Variants in DNAH8 observed in about 807,000 individuals in gnomAD.
DNAH8 encodes the protein dynein axonemal heavy chain 8, also known as axonemal beta dynein heavy chain 8.
DNAH8 carries 382 observed loss-of-function variants against 562.1 expected under a neutral mutation model. The observed-to-expected ratio is 0.68, with a 90% CI of 0.63 to 0.74. The LOEUF (loss-of-function observed/expected upper bound fraction) is 0.74. DNAH8 is among the 30% of genes least tolerant of loss of function. The pLI is 0.00. For missense variants in DNAH8, 5,203 were observed against 5,620.4 expected (o/e 0.93, Z 2.37); for synonymous variants, 1,881 against 1,919.4 (o/e 0.98, Z 0.52).
intron 21 of DNAH8, among the ~76,000 whole-genome samples, chr6:38,800,902 T>A (rs1350840428): frequency 6.6e-6 from 1 of 152,212 alleles, no homozygotes; most frequent in African/African-American, 2.4e-5. Flanking sequence ...ATTGGATATT[T>A]GTCTTTTTAT....
rs62396401 is a variant in DNAH8, at chr6:38,832,028, A to G, written c.4189-294A>G. On this transcript the variant is annotated intron_variant, in intron 30 of 92. Coordinates refer to ENST00000327475, the MANE Select transcript of DNAH8 (RefSeq NM_001206927.2). Reference sequence around the variant, plus strand: ...GTCTTGGCCTAGCCCCACAGACAACATGTGACCCAGACCATGCCAATAATA... The same window carrying G: ...GTCTTGGCCTAGCCCCACAGACAACGTGTGACCCAGACCATGCCAATAATA... 6.2e-3 allele frequency among the ~76,000 whole-genome samples: 944 copies of G among 152,302 alleles called. 4 individuals carry two copies. The highest frequency in any genetic ancestry group is 0.01 in the Non-Finnish European group (691 of 68,024).
At chr6:38,741,683 T>C (rs1357931145) in intron 7 of DNAH8, 28 bp from the exon 8 acceptor site, 7 of 1,551,682 alleles carry the variant, frequency 4.5e-6, no homozygotes, top group African/African-American at 1.4e-5. Context: ...GTAACATTTC[T>C]ATATTTTATA....
At chr6:38,842,635 A>G (rs1403529197) in intron 34 of DNAH8, 28 bp from the exon 35 acceptor site, 2 of 1,603,246 alleles carry the variant, frequency 1.2e-6, no homozygotes, top group African/African-American at 1.3e-5. Context: ...TGAAGGTGGC[A>G]TATTTTTTTT....
chr6:38,852,848 A>T (rs752473603), intron 40 of DNAH8, 50 bp downstream of exon 40: 1 of 1,397,672 alleles, frequency 7.2e-7, no homozygotes, highest in East Asian at 2.3e-5. Context: ...TTAAAAACTT[A>T]GGTTGAGGAG....
chr6:38,852,032 ATG>A (rs1775791208), intron 39 of DNAH8, among the ~76,000 whole-genome samples: 1 of 152,222 alleles, frequency 6.6e-6, no homozygotes, highest in Non-Finnish European at 1.5e-5. Flanking sequence ...AGCACACAGT[ATG>A]TGTTTATTAA....
At chr6:38,764,441 C>G (rs1247552959) in intron 11 of DNAH8, 1 of 152,218 alleles carries the variant, frequency 6.6e-6, no homozygotes, top group East Asian at 1.9e-4. Context: ...GAAAATTGAG[C>G]CTCTAAAAAC....
At chr6:38,851,366 G>C (rs528688574) in intron 38 of DNAH8, among the ~76,000 whole-genome samples, 1 of 152,312 alleles carries the variant, frequency 6.6e-6, no homozygotes, top group African/African-American at 2.4e-5. Context: ...GGGCAGCCTT[G>C]CTCTGAATCT....
At chr6:38,789,912 T>C (rs1769544371) in intron 19 of DNAH8, 29 bp downstream of exon 19, 1 of 1,515,256 alleles carries the variant, frequency 6.6e-7, no homozygotes, top group African/African-American at 1.4e-5. Flanking sequence ...TTGTATTGAT[T>C]TTCCTGTTAT....
intron 83 of DNAH8, chr6:38,971,940 T>C (rs764357502): frequency 1.2e-4 from 35 of 280,536 alleles, no homozygotes; most frequent in Non-Finnish European, 2.2e-4. Flanking sequence ...AATGCATCTC[T>C]AGCAGTCTTG....
intron 27 of DNAH8, among the ~76,000 whole-genome samples, chr6:38,823,331 C>A (rs556783796): frequency 6.6e-6 from 1 of 152,264 alleles, no homozygotes; most frequent in South Asian, 2.1e-4. Flanking sequence ...CTTATGTAGA[C>A]CCAGCTGTAT....
In DNAH8 at chr6:38,830,626, C is replaced by A. The variant is rs1773753329; in HGVS notation, c.4189-1696C>A. ...CTCCAGCCTGGGCAACAGAGCAAGA[C>A]TCTATCTCAAAAAAAAAAAAAAAAA... On this transcript the variant is annotated intron_variant, in intron 30 of 92. Coordinates refer to ENST00000327475, the MANE Select transcript of DNAH8 (RefSeq NM_001206927.2). Among the ~76,000 whole-genome samples, 6 of 100,736 alleles carry A rather than the reference C, an allele frequency of 6.0e-5. No individual in the cohort carries two copies. In the South Asian group the frequency reaches 2.4e-3, roughly 40 times the overall value. 66.1% of individuals were successfully genotyped at this position (100,736 alleles called of 152,430 possible).
intron 36 of DNAH8, among the ~76,000 whole-genome samples, chr6:38,847,943 A>G (rs1775427597): frequency 6.6e-6 from 1 of 152,056 alleles, no homozygotes; most frequent in Admixed American, 6.6e-5. Flanking sequence ...GCCCTGCTAT[A>G]TGGGGGTAGC....
intron 12 of DNAH8, among the ~76,000 whole-genome samples, chr6:38,774,586 A>C (rs2127628835): frequency 6.6e-6 from 1 of 152,216 alleles, no homozygotes; most frequent in African/African-American, 2.4e-5. Context: ...GCCTCAGATG[A>C]CCCCTCATCC....
chr6:38,845,918 C>T (rs979554254), intron 36 of DNAH8, 145 bp downstream of exon 36: 22 of 659,106 alleles, frequency 3.3e-5, no homozygotes, highest in South Asian at 5.9e-5. Flanking sequence ...ACAAACTGCC[C>T]GTTTTCCCTA....
Position 38,898,663 on chromosome 6 carries a change from G to A in DNAH8, c.9063+283G>A, listed in dbSNP as rs141342430. Among the ~76,000 whole-genome samples, 277 of 152,264 alleles carry A rather than the reference G, an allele frequency of 1.8e-3. 1 individual carries two copies. Among genetic ancestry groups the A allele is most frequent in the African/African-American group, 6.4e-3 (264 of 41,546 alleles). On this transcript the variant is annotated intron_variant, in intron 61 of 92. Coordinates refer to ENST00000327475, the MANE Select transcript of DNAH8 (RefSeq NM_001206927.2). ...AACAAGAAAGTATGGAGAACCTTTA[G>A]AAAGTATGGAGAACCCTGTGAAAAA...
At chr6:38,912,329 G>A (rs907437308) in intron 66 of DNAH8, among the ~76,000 whole-genome samples, 1 of 152,108 alleles carries the variant, frequency 6.6e-6, no homozygotes, top group African/African-American at 2.4e-5. Context: ...AGGCATTGTG[G>A]TGGTGCATGC....
intron 21 of DNAH8, among the ~76,000 whole-genome samples, chr6:38,796,391 C>T (rs1770250036): frequency 6.6e-6 from 1 of 152,142 alleles, no homozygotes; most frequent in Non-Finnish European, 1.5e-5. Flanking sequence ...ACTGTTATAT[C>T]TCTGTGTGCC....
At chr6:38,790,212 G>A (rs1769587251) in intron 19 of DNAH8, 77 bp from the exon 20 acceptor site, 1 of 798,874 alleles carries the variant, frequency 1.3e-6, no homozygotes, top group African/African-American at 1.7e-5. Flanking sequence ...TATAATATTT[G>A]TAGGTGATAA....
chr6:38,996,694 A>AGT (rs1765155215), intron 88 of DNAH8, among the ~76,000 whole-genome samples: 1 of 151,836 alleles, frequency 6.6e-6, no homozygotes, highest in Non-Finnish European at 1.5e-5. Context: ...TCAAGGGGGG[A>AGT]CTGATAGGAC....
Sources: gnomAD v4.1 joint callset for allele counts (sites outside exome capture counted in the v4.1 genomes callset) on GRCh38, gnomAD v4.1.1 for gene constraint, MANE v1.5 for transcripts, NCBI Gene and HGNC (gene_info 2026-07-23, HGNC 2026-07-21) for gene names.